The following THSD4 variants were observed in gnomAD, a reference collection of about 807,000 sequenced individuals.
THSD4 encodes the protein thrombospondin type-1 domain-containing protein 4.
In THSD4, 69 loss-of-function variants were observed where a neutral mutation model predicts 119.0. The observed-to-expected ratio is 0.58, with a 90% CI of 0.48 to 0.71. The LOEUF is 0.71. Among genes scored for constraint, THSD4 ranks in the 30% least tolerant of loss-of-function variants. The pLI is 0.00. For synonymous variants in THSD4, 524 were observed against 540.4 expected (o/e 0.97, Z 0.42); for missense variants, 1,393 against 1,391.1 (o/e 1.00, Z -0.02).
chr15:71,587,179 T>G (rs534253668), intron 7 of THSD4, among the ~76,000 whole-genome samples: 18 of 134,982 alleles, frequency 1.3e-4, no homozygotes, highest in Non-Finnish European at 2.2e-4. Context: ...TTGGTGGGAC[T>G]GTAAACTAGT....
intron 8 of THSD4, among the ~76,000 whole-genome samples, chr15:71,678,458 C>A (rs984756271): frequency 1.3e-5 from 2 of 152,174 alleles, no homozygotes; most frequent in African/African-American, 4.8e-5. Context: ...GTGAAACCTG[C>A]CTTCTAAGAT....
At chr15:71,366,036 C>G (rs1302894242) in intron 6 of THSD4, among the ~76,000 whole-genome samples, 1 of 152,126 alleles carries the variant, frequency 6.6e-6, no homozygotes, top group Non-Finnish European at 1.5e-5. Flanking sequence ...TTTCACACAT[C>G]CTCCCTCCTA....
At chr15:71,619,423 C>T (rs1336643497) in intron 7 of THSD4, among the ~76,000 whole-genome samples, 2 of 152,136 alleles carry the variant, frequency 1.3e-5, no homozygotes, top group African/African-American at 2.4e-5. Flanking sequence ...TAGTTAGCAT[C>T]TGGAAAACAA....
chr15:71,439,474 T>C (rs1359179164), intron 7 of THSD4, among the ~76,000 whole-genome samples: 1 of 152,196 alleles, frequency 6.6e-6, no homozygotes, highest in East Asian at 1.9e-4. Flanking sequence ...ATCAAGGATC[T>C]AGAACTAGAA....
At position 71,249,116 on chromosome 15, in the gene THSD4, C is replaced by T. The variant is rs147306363; in HGVS notation, c.912+6020C>T. On this transcript the variant is annotated intron_variant, in intron 5 of 17. Transcript: ENST00000261862. ...TGACCTTTTCATACATATATATATACACACACACACGTATGTATATACACT... is the reference window on the plus strand; with the variant it reads ...TGACCTTTTCATACATATATATATATACACACACACGTATGTATATACACT... Among the ~76,000 whole-genome samples, 10 of 151,796 alleles carry T rather than the reference C, an allele frequency of 6.6e-5. No individual in the cohort carries two copies. In the South Asian group the frequency reaches 1.0e-3, roughly 16 times the overall value.
intron 5 of THSD4, among the ~76,000 whole-genome samples, chr15:71,245,191 C>T (rs137963247): frequency 6.2e-4 from 95 of 152,270 alleles, no homozygotes; most frequent in African/African-American, 2.2e-3. Context: ...CATGTTGACA[C>T]GGGATTGTAT....
chr15:71,773,964 A>C (rs1293901608), intron 17 of THSD4, among the ~76,000 whole-genome samples: 3 of 152,162 alleles, frequency 2.0e-5, no homozygotes, highest in African/African-American at 7.2e-5. Context: ...GAACTCACTC[A>C]ATTTTTTAAA....
At chr15:71,674,075 G>A (rs529119948) in intron 8 of THSD4, among the ~76,000 whole-genome samples, 2 of 152,334 alleles carry the variant, frequency 1.3e-5, no homozygotes, top group South Asian at 2.1e-4. Context: ...TCTTCTGTGC[G>A]TCTCCTGTGC....
chr15:71,133,088 T>A (rs147710445), intron 1 of THSD4, among the ~76,000 whole-genome samples: 358 of 152,290 alleles, frequency 2.4e-3, no homozygotes, highest in African/African-American at 8.3e-3. Flanking sequence ...TTTTTTCCTT[T>A]GGTAGCTATG....
At chr15:71,268,241 G>A (rs571923039) in intron 6 of THSD4, among the ~76,000 whole-genome samples, 11 of 151,758 alleles carry the variant, frequency 7.2e-5, no homozygotes, top group Admixed American at 2.0e-4. Context: ...ACAAAAGAAC[G>A]GAAACCATAA....
At chr15:71,276,052 C>A (rs2044586681) in intron 6 of THSD4, among the ~76,000 whole-genome samples, 1 of 152,240 alleles carries the variant, frequency 6.6e-6, no homozygotes, top group Non-Finnish European at 1.5e-5. Flanking sequence ...GTCTCCATTT[C>A]TTAGAAATTT....
At chr15:71,474,951 A>G (rs1224783487) in intron 7 of THSD4, among the ~76,000 whole-genome samples, 2 of 152,158 alleles carry the variant, frequency 1.3e-5, no homozygotes, top group African/African-American at 4.8e-5. Flanking sequence ...GACCAGCAAA[A>G]TCAGTATCAC....
intron 7 of THSD4, among the ~76,000 whole-genome samples, chr15:71,598,945 G>T (rs1489527231): frequency 1.3e-5 from 2 of 152,186 alleles, no homozygotes; most frequent in Admixed American, 1.3e-4. Flanking sequence ...ATTGACAAAG[G>T]CATGTGTCAC....
chr15:71,594,137 C>T (rs1226690851), intron 7 of THSD4, among the ~76,000 whole-genome samples: 1 of 151,978 alleles, frequency 6.6e-6, no homozygotes, highest in Non-Finnish European at 1.5e-5. Flanking sequence ...TCTGCCCCTT[C>T]TGCCTCACAG....
intron 4 of THSD4, among the ~76,000 whole-genome samples, chr15:71,234,985 G>A (rs80133487): frequency 6.6e-6 from 1 of 152,108 alleles, no homozygotes; most frequent in Non-Finnish European, 1.5e-5. Flanking sequence ...ACTATTCCTC[G>A]GTATAATTTC....
At chr15:71,535,627 A>G (rs1203008986) in intron 7 of THSD4, among the ~76,000 whole-genome samples, 1 of 152,146 alleles carries the variant, frequency 6.6e-6, no homozygotes, top group African/African-American at 2.4e-5. Flanking sequence ...CCTTGCCAAC[A>G]TTTGTTATCA....
intron 7 of THSD4, among the ~76,000 whole-genome samples, chr15:71,655,714 A>G (rs1057408709): frequency 2.0e-5 from 3 of 152,224 alleles, no homozygotes; most frequent in African/African-American, 7.2e-5. Context: ...CGTCAGCAGC[A>G]GAGACAGCAC....
chr15:71,218,065 C>T (rs1025045362), intron 4 of THSD4, among the ~76,000 whole-genome samples: 3 of 152,154 alleles, frequency 2.0e-5, no homozygotes, highest in African/African-American at 4.8e-5. Context: ...AGTCACCGTG[C>T]GTGGCCTCCC....
At chr15:71,281,305 A>C (rs1214165552) in intron 6 of THSD4, among the ~76,000 whole-genome samples, 1 of 152,262 alleles carries the variant, frequency 6.6e-6, no homozygotes, top group African/African-American at 2.4e-5. Context: ...TCTGTGAAAA[A>C]CAGCCATCAG....
Sources: allele counts gnomAD v4.1 joint callset (sites outside exome capture counted in the v4.1 genomes callset), GRCh38; gene constraint gnomAD v4.1.1; transcripts MANE v1.5; gene names NCBI Gene and HGNC (gene_info 2026-07-23, HGNC 2026-07-21).